The following DYNC2H1 variants were observed in gnomAD, a reference collection of about 807,000 sequenced individuals.
DYNC2H1 encodes the protein dynein cytoplasmic 2 heavy chain 1.
Under a neutral mutation model 570.0 loss-of-function variants are expected in DYNC2H1, and 410 were observed. The observed-to-expected ratio is 0.72, with a 90% CI of 0.66 to 0.78. DYNC2H1 has a LOEUF of 0.78. Ranked by LOEUF, DYNC2H1 falls within the 30% of genes least tolerant of loss-of-function variation. The pLI is 0.00. For synonymous variants in DYNC2H1, 1,688 were observed against 1,677.6 expected (o/e 1.01, Z -0.15); for missense variants, 4,865 against 5,046.4 (o/e 0.96, Z 1.09).
In DYNC2H1 at chr11:103,155,364, G is replaced by C; in HGVS notation, c.3607G>C (p.Glu1203Gln). Residue 1203 changes from glutamate to glutamine, a missense_variant, in exon 25 of 89, where the codon GAG (glutamate) becomes CAG (glutamine). Glu to Gln is a conservative substitution (Grantham distance 29, BLOSUM62 2). Transcript: ENST00000375735. ...TCCTATCTTGAAATATGTGAGAGGG[G>C]AGCATCTTTCTCCAGATCACTGGCT... ...VIPILKYVRG[E>Q]HLSPDHWLDL... The C allele has an allele frequency of 6.2e-7, 1 of 1,609,760 alleles. No individual in the cohort carries two copies. Among genetic ancestry groups the C allele is most frequent in the South Asian group, 1.1e-5 (1 of 89,980 alleles).
intron 82 of DYNC2H1, among the ~76,000 whole-genome samples, chr11:103,341,164 T>C (rs547905319): frequency 3.3e-4 from 50 of 152,308 alleles, no homozygotes; most frequent in Admixed American, 3.1e-3. Flanking sequence ...ATCTGTATAC[T>C]TCACTTCTTT....
chr11:103,468,817 C>A, intron 88 of DYNC2H1, 112 bp downstream of exon 88: 1 of 766,842 alleles, frequency 1.3e-6, no homozygotes, highest in South Asian at 2.3e-5. Context: ...TCTAATCTCA[C>A]CTGCATTTGA....
At chr11:103,162,330 T>C (rs1395408284) in intron 29 of DYNC2H1, among the ~76,000 whole-genome samples, 3 of 152,186 alleles carry the variant, frequency 2.0e-5, no homozygotes, top group Admixed American at 6.5e-5. Flanking sequence ...TACGCAATGA[T>C]GAGAGGCTAA....
chr11:103,211,942 A>T lies in DYNC2H1; in HGVS notation c.8693A>T (p.Gln2898Leu), dbSNP rs780585023. 6.6e-7 allele frequency: 1 copy of T among 1,520,792 alleles called. No homozygotes were observed. Among genetic ancestry groups the T allele is most frequent in the Non-Finnish European group, 8.8e-7 (1 of 1,133,800 alleles). The allele number at this position is 1,520,792 out of a possible 1,614,324, so 94.2% of individuals were successfully genotyped here. ...TTATTAAAAAGACAAAGTCATTTGC[A>T]GGTATAGTATTGGTAATCTTGAATT... is the stretch of plus-strand genomic sequence containing the variant. ...KELLKRQSHL[Q>L]AGVSKLNEAK... The change falls in exon 54 of 89, where the codon CAG becomes CTG. Residue 2898 changes from glutamine (Q) to leucine (L), a missense_variant and splice_region_variant. This residue lies in a region of DYNC2H1 where 2,401 missense variants were observed against 2,454.6 expected (regional missense o/e 0.98). Transcript: ENST00000375735.
intron 3 of DYNC2H1, among the ~76,000 whole-genome samples, chr11:103,114,555 AG>A (rs1180008573): frequency 1.3e-5 from 2 of 152,114 alleles, no homozygotes; most frequent in African/African-American, 4.8e-5. Flanking sequence ...ACTGGCCTCA[AG>A]GGATCCTCAC....
At position 103,122,774 on chromosome 11, in the gene DYNC2H1, A is replaced by C. The variant is rs183906084; in HGVS notation, c.1486-51A>C. 5.5e-4 allele frequency: 845 copies of C among 1,533,222 alleles called. 8 individuals carry two copies. The East Asian group carries it at 9.3e-3, about 17-fold the overall frequency. 95.0% of individuals were successfully genotyped at this position (1,533,222 alleles called of 1,614,324 possible). ...AGAAGGGGACTCCTTACTTTATGCT[A>C]ATTTTTTTGGAATTTAAATAATGCA... On this transcript the variant is annotated intron_variant, in intron 10 of 88. Transcript: ENST00000375735.
At chr11:103,119,073 A>G (rs902126572) in intron 6 of DYNC2H1, among the ~76,000 whole-genome samples, 2 of 152,202 alleles carry the variant, frequency 1.3e-5, no homozygotes, top group Admixed American at 1.3e-4. Flanking sequence ...TATAGTTTGC[A>G]TAGAAACGGC....
intron 62 of DYNC2H1, 71 bp from the exon 63 acceptor site, chr11:103,236,359 T>C (rs909153483): frequency 3.1e-5 from 29 of 950,100 alleles, no homozygotes; most frequent in Non-Finnish European, 4.4e-5. Context: ...TCGGAATAAA[T>C]AGCTTTATTT....
intron 84 of DYNC2H1, among the ~76,000 whole-genome samples, chr11:103,431,377 G>A (rs887208105): frequency 6.6e-6 from 1 of 151,978 alleles, no homozygotes; most frequent in African/African-American, 2.4e-5. Context: ...ATCTATTAAA[G>A]ACAGTATTGG....
At chr11:103,415,983 G>C (rs988046207) in intron 84 of DYNC2H1, among the ~76,000 whole-genome samples, 2 of 152,194 alleles carry the variant, frequency 1.3e-5, no homozygotes, top group African/African-American at 2.4e-5. Flanking sequence ...AAAAGGATGA[G>C]TTCATGTCCT....
chr11:103,331,303 C>T (rs1938777136), intron 82 of DYNC2H1, among the ~76,000 whole-genome samples: 1 of 152,228 alleles, frequency 6.6e-6, no homozygotes, highest in Non-Finnish European at 1.5e-5. Context: ...GGCTTTTTCT[C>T]CATGGCTCTT....
intron 78 of DYNC2H1, among the ~76,000 whole-genome samples, chr11:103,311,229 A>C (rs1396378191): frequency 6.6e-6 from 1 of 152,112 alleles, no homozygotes; most frequent in African/African-American, 2.4e-5. Context: ...ATTCTTTTCG[A>C]GGGGGTTGTT....
intron 66 of DYNC2H1, 133 bp from the exon 67 acceptor site, chr11:103,255,282 T>G (rs1591480932): frequency 9.8e-7 from 1 of 1,020,088 alleles, no homozygotes; most frequent in East Asian, 2.9e-5. Context: ...TATGTTTAAT[T>G]AGAAAGAATG....
rs1591582442 is a variant in DYNC2H1, at chr11:103,326,605, C to A, written c.12039+2615C>A. On this transcript the variant is annotated intron_variant, in intron 82 of 88. Transcript: ENST00000375735. This position sits in a 1 kb window ranked among gnomAD's most constrained non-coding sequence, Gnocchi z 6.1. ...TTGGCTTGGGGTCAGACTCTGGCAG[C>A]ACTGGGGGATCTGAAGTGCCCCTAG... Among the ~76,000 whole-genome samples the A allele has an allele frequency of 6.6e-6, 1 of 152,320 alleles. No homozygotes were observed. The highest frequency in any genetic ancestry group is 1.5e-5 in the Non-Finnish European group (1 of 68,032).
intron 6 of DYNC2H1, among the ~76,000 whole-genome samples, chr11:103,118,275 A>C (rs1024399068): frequency 6.6e-6 from 1 of 152,104 alleles, no homozygotes; most frequent in Non-Finnish European, 1.5e-5. Flanking sequence ...AGGGACAGGC[A>C]AAATGAGATT....
At chr11:103,303,356 G>A in intron 76 of DYNC2H1, 103 bp downstream of exon 76, 1 of 1,288,390 alleles carries the variant, frequency 7.8e-7, no homozygotes, top group Non-Finnish European at 1.1e-6. Context: ...GCCAAATAAT[G>A]CCCCCAAAAA....
chr11:103,188,452 A>G, intron 43 of DYNC2H1, 45 bp from the exon 44 acceptor site: 3 of 1,415,228 alleles, frequency 2.1e-6, no homozygotes, highest in Non-Finnish European at 2.9e-6. Flanking sequence ...CATGATTAGG[A>G]AATCTTAGAT....
chr11:103,314,417 A>AT (rs535984023), intron 79 of DYNC2H1, among the ~76,000 whole-genome samples: 260 of 152,104 alleles, frequency 1.7e-3, no homozygotes, highest in African/African-American at 5.9e-3. Context: ...TATTGCTATA[A>AT]TTTTTTAGCA....
chr11:103,269,079 G>A (rs148057693), intron 70 of DYNC2H1, among the ~76,000 whole-genome samples: 1 of 152,166 alleles, frequency 6.6e-6, no homozygotes, highest in South Asian at 2.1e-4. Flanking sequence ...AGAGGCTTAA[G>A]CTTATTAATA....
Sources: allele counts gnomAD v4.1 joint callset (sites outside exome capture counted in the v4.1 genomes callset), GRCh38; gene constraint gnomAD v4.1.1; regional missense constraint gnomAD v4.1.1; non-coding constraint Gnocchi (gnomAD v3.1); transcripts MANE v1.5; gene names NCBI Gene and HGNC (gene_info 2026-07-23, HGNC 2026-07-21).